Variants in MYLK observed in about 807,000 individuals in gnomAD.
The protein encoded by MYLK is myosin light chain kinase, smooth muscle.
MYLK carries 106 observed loss-of-function variants against 203.4 expected under a neutral mutation model. The ratio of observed to expected loss-of-function variants is 0.52; its 90% CI spans 0.45 to 0.61. The LOEUF is 0.61. Ranked by LOEUF, MYLK falls within the 20% of genes least tolerant of loss-of-function variation. The pLI, the probability that MYLK is intolerant of heterozygous loss-of-function variation, is 0.00. For synonymous variants in MYLK, 867 were observed against 959.5 expected (o/e 0.90, Z 1.78); for missense variants, 2,072 against 2,442.3 (o/e 0.85, Z 3.20).
At chr3:123,767,514 C>T (rs548376780) in intron 4 of MYLK, among the ~76,000 whole-genome samples, 2 of 152,204 alleles carry the variant, frequency 1.3e-5, no homozygotes, top group East Asian at 1.9e-4. Flanking sequence ...GGCTGAGGCA[C>T]GAGAATCACT....
At chr3:123,633,678 T>C (rs2058525241) in intron 29 of MYLK, among the ~76,000 whole-genome samples, 4 of 152,186 alleles carry the variant, frequency 2.6e-5, no homozygotes, top group Admixed American at 2.6e-4. Flanking sequence ...TGAAACACAA[T>C]GGTCATGAAT....
chr3:123,814,804 C>CT (rs1480242281), intron 3 of MYLK, among the ~76,000 whole-genome samples: 1 of 151,952 alleles, frequency 6.6e-6, no homozygotes, highest in Non-Finnish European at 1.5e-5. Flanking sequence ...TTCTTTCTTT[C>CT]TTTTTTTAGA....
Position 123,827,004 on chromosome 3 carries a change from TA to T in MYLK, c.-4+4543del, listed in dbSNP as rs542066525. On this transcript the variant is annotated intron_variant, in intron 3 of 33. Transcript: ENST00000360304. Reference sequence around the variant, plus strand: ...AGAAATCAATGTAGAAACACAACCATAAAAAAATCAGAAAATATGTTACCTC... The same window carrying T: ...AGAAATCAATGTAGAAACACAACCATAAAAAATCAGAAAATATGTTACCTC... Among the ~76,000 whole-genome samples, 64 of 152,024 alleles carry T rather than the reference TA, an allele frequency of 4.2e-4. 1 individual carries two copies. In the South Asian group the frequency reaches 0.011, roughly 27 times the overall value.
chr3:123,731,975 T>G (rs1246882307), intron 11 of MYLK, among the ~76,000 whole-genome samples: 1 of 134,270 alleles, frequency 7.4e-6, no homozygotes, highest in African/African-American at 2.7e-5. Flanking sequence ...CTAATATAAG[T>G]TTTCTATAGG....
intron 18 of MYLK, among the ~76,000 whole-genome samples, chr3:123,694,059 A>T (rs959536963): frequency 3.3e-5 from 5 of 152,240 alleles, no homozygotes; most frequent in Non-Finnish European, 7.3e-5. Flanking sequence ...TGACCAGCAA[A>T]TACAAGGAGA....
chr3:123,860,124 C>G (rs2031762477), intron 2 of MYLK, among the ~76,000 whole-genome samples: 1 of 152,192 alleles, frequency 6.6e-6, no homozygotes, highest in African/African-American at 2.4e-5. Context: ...ACATCAGTGA[C>G]TGGGATGATG....
intron 18 of MYLK, 39 bp from the exon 19 acceptor site, chr3:123,692,890 G>A (rs746167265): frequency 2.5e-5 from 39 of 1,547,064 alleles, no homozygotes; most frequent in East Asian, 1.1e-4. Flanking sequence ...AGGTGTGGTC[G>A]TAGTACCTGC....
intron 13 of MYLK, among the ~76,000 whole-genome samples, chr3:123,712,324 G>A (rs1231835037): frequency 6.6e-6 from 1 of 152,202 alleles, no homozygotes; most frequent in Non-Finnish European, 1.5e-5. Flanking sequence ...GACTGAGAAG[G>A]CTCAAGGACA....
chr3:123,771,531 C>T (rs1168228065), intron 4 of MYLK, among the ~76,000 whole-genome samples: 3 of 152,140 alleles, frequency 2.0e-5, no homozygotes, highest in South Asian at 2.1e-4. Context: ...TGCTTTCCTT[C>T]GGCTTGTTCT....
At chr3:123,704,747 C>CA (rs5852352) in intron 16 of MYLK, among the ~76,000 whole-genome samples, 4,081 of 87,630 alleles carry the variant, frequency 0.047, 270 homozygotes, top group African/African-American at 0.16. Context: ...ACTAAAAATA[C>CA]AAAAAAAAAA....
intron 29 of MYLK, among the ~76,000 whole-genome samples, chr3:123,632,819 T>TG (rs2108040201): frequency 6.6e-6 from 1 of 151,778 alleles, no homozygotes; most frequent in South Asian, 2.1e-4. Flanking sequence ...TTTTTTTTTT[T>TG]TTTGAGATGC....
At chr3:123,734,305 C>A in intron 9 of MYLK, 83 bp from the exon 10 acceptor site, 1 of 1,329,354 alleles carries the variant, frequency 7.5e-7, no homozygotes, top group South Asian at 1.6e-5. Context: ...AAATATTACT[C>A]ATCACAAGCA....
intron 6 of MYLK, 134 bp from the exon 7 acceptor site, chr3:123,739,196 A>C (rs913130572): frequency 2.0e-6 from 2 of 1,006,322 alleles, no homozygotes; most frequent in African/African-American, 3.1e-5. Flanking sequence ...TATGCCTCAG[A>C]AACTTTCTCA....
At chr3:123,822,633 C>A (rs1168928420) in intron 3 of MYLK, among the ~76,000 whole-genome samples, 1 of 152,168 alleles carries the variant, frequency 6.6e-6, no homozygotes, top group Non-Finnish European at 1.5e-5. Context: ...GTTCTATGAC[C>A]ACGTTTGTGG....
intron 31 of MYLK, chr3:123,623,496 T>A (rs1042788261): frequency 2.6e-5 from 4 of 152,242 alleles, no homozygotes; most frequent in Non-Finnish European, 5.9e-5. Context: ...GTAATATGAT[T>A]AGTCATCTAT....
intron 19 of MYLK, among the ~76,000 whole-genome samples, chr3:123,684,577 C>T (rs941997747): frequency 6.6e-6 from 1 of 151,940 alleles, no homozygotes; most frequent in Admixed American, 6.6e-5. Flanking sequence ...AATGGAATCT[C>T]ACTCTGTCAC....
At chr3:123,806,586 CTTAT>C (rs2065375718) in intron 3 of MYLK, among the ~76,000 whole-genome samples, 1 of 152,188 alleles carries the variant, frequency 6.6e-6, no homozygotes, top group South Asian at 2.1e-4. Flanking sequence ...CATTTAGCTA[CTTAT>C]TTAACAACTG....
chr3:123,814,134 T>C, intron 3 of MYLK: 1 of 365,354 alleles, frequency 2.7e-6, no homozygotes, highest in Non-Finnish European at 5.5e-6. Flanking sequence ...CCCAGAAGGC[T>C]GCCACAGAAA....
intron 3 of MYLK, among the ~76,000 whole-genome samples, chr3:123,802,489 C>G (rs765344484): frequency 1.3e-5 from 2 of 152,274 alleles, no homozygotes; most frequent in African/African-American, 4.8e-5. Context: ...CAGCAGACCA[C>G]GGGTGGGAGG....
Sources: gnomAD v4.1 joint callset for allele counts (sites outside exome capture counted in the v4.1 genomes callset) on GRCh38, gnomAD v4.1.1 for gene constraint, MANE v1.5 for transcripts, NCBI Gene and HGNC (gene_info 2026-07-23, HGNC 2026-07-21) for gene names.